Variants in AGTPBP1 observed in about 807,000 individuals in gnomAD.
AGTPBP1 encodes the protein ATP/GTP binding carboxypeptidase 1.
AGTPBP1 carries 70 observed loss-of-function variants against 143.9 expected under a neutral mutation model. The ratio of observed to expected loss-of-function variants is 0.49; its 90% CI spans 0.40 to 0.59. AGTPBP1 has a LOEUF of 0.59. AGTPBP1 is among the 20% of genes least tolerant of loss of function. The pLI, the probability that AGTPBP1 is intolerant of heterozygous loss-of-function variation, is 0.00. For synonymous variants in AGTPBP1, 463 were observed against 500.2 expected, an observed-to-expected ratio of 0.93 and a Z score of 0.99; for missense variants, 1,229 against 1,464.5, an observed-to-expected ratio of 0.84 and a Z score of 2.62.
At chr9:85,630,012 T>G (rs753578051) in intron 14 of AGTPBP1, among the ~76,000 whole-genome samples, 1 of 152,212 alleles carries the variant, frequency 6.6e-6, no homozygotes, top group Non-Finnish European at 1.5e-5. Context: ...TACTTTCAGT[T>G]TGAGGCAATT....
intron 13 of AGTPBP1, among the ~76,000 whole-genome samples, chr9:85,642,299 G>C (rs1832527833): frequency 6.6e-6 from 1 of 151,790 alleles, no homozygotes; most frequent in South Asian, 2.1e-4. Context: ...GATGCAAAAA[G>C]ACTAAAGTGA....
the AGTPBP1 span, chr9:85,786,351 A>C: frequency 6.2e-7 from 1 of 1,613,806 alleles, no homozygotes; most frequent in African/African-American, 1.3e-5. Flanking sequence ...AAACAGAAAC[A>C]GATGATAATC....
intron 25 of AGTPBP1, among the ~76,000 whole-genome samples, chr9:85,563,461 G>A (rs1826874623): frequency 6.6e-6 from 1 of 152,208 alleles, no homozygotes; most frequent in African/African-American, 2.4e-5. Flanking sequence ...TGAAAATGAG[G>A]ATATTTGGCC....
rs148612332 is a variant in AGTPBP1 at position 85,679,660 on chromosome 9, G to A, written c.226-1262C>T. 1.2e-3 allele frequency among the ~76,000 whole-genome samples: 179 copies of A among 152,134 alleles called. 5 individuals carry two copies. The East Asian group carries it at 0.032, about 27-fold the overall frequency. ...CCTGACCTCGTGATCTGCCCATCTC[G>A]GCCTCCCAAAGTGCTGGGATTACAG... is the stretch of plus-strand genomic sequence containing the variant. On this transcript the variant is annotated intron_variant, in intron 4 of 25. Transcript: ENST00000357081.
chr9:85,699,788 C>T (rs753800200), intron 2 of AGTPBP1, among the ~76,000 whole-genome samples: 10 of 152,106 alleles, frequency 6.6e-5, no homozygotes, highest in Non-Finnish European at 1.3e-4. Flanking sequence ...ATACTAAACA[C>T]GTAACTGTTT....
At chr9:85,606,101 G>A (rs1829973269) in intron 17 of AGTPBP1, among the ~76,000 whole-genome samples, 1 of 151,908 alleles carries the variant, frequency 6.6e-6, no homozygotes, top group Non-Finnish European at 1.5e-5. Context: ...ACAATCAACA[G>A]GGTGAAGAAA....
intron 17 of AGTPBP1, among the ~76,000 whole-genome samples, chr9:85,617,781 T>C (rs532067223): frequency 3.3e-5 from 5 of 152,208 alleles, no homozygotes; most frequent in African/African-American, 1.2e-4. Flanking sequence ...GGACCATCAA[T>C]ACAGACCCTG....
intron 25 of AGTPBP1, among the ~76,000 whole-genome samples, chr9:85,555,504 C>A (rs1039957271): frequency 2.6e-5 from 4 of 152,158 alleles, no homozygotes; most frequent in African/African-American, 2.4e-5. Context: ...GAGGCTGAGG[C>A]AGGAGAATCA....
upstream of AGTPBP1, among the ~76,000 whole-genome samples, chr9:85,745,598 G>T (rs1347541767): frequency 6.6e-6 from 1 of 152,206 alleles, no homozygotes; most frequent in Non-Finnish European, 1.5e-5. Flanking sequence ...ATGGAGGGAA[G>T]CAATCTGGGA....
intron 17 of AGTPBP1, among the ~76,000 whole-genome samples, chr9:85,600,818 G>A (rs1189938090): frequency 6.6e-6 from 1 of 152,132 alleles, no homozygotes; most frequent in Non-Finnish European, 1.5e-5. Context: ...CCTGCCCCGA[G>A]GCCCAACAGC....
intron 11 of AGTPBP1, among the ~76,000 whole-genome samples, chr9:85,650,294 T>C (rs992691657): frequency 6.6e-6 from 1 of 152,148 alleles, no homozygotes; most frequent in Non-Finnish European, 1.5e-5. Context: ...GGTTCGTTAA[T>C]ACACAGATTT....
At chr9:85,550,329 G>A (rs1334094274) in intron 25 of AGTPBP1, among the ~76,000 whole-genome samples, 1 of 152,098 alleles carries the variant, frequency 6.6e-6, no homozygotes, top group East Asian at 1.9e-4. Context: ...CATTCAGACT[G>A]CTATTCCAAT....
At chr9:85,549,800 G>A (rs928812579) in intron 25 of AGTPBP1, among the ~76,000 whole-genome samples, 1 of 152,190 alleles carries the variant, frequency 6.6e-6, no homozygotes, top group African/African-American at 2.4e-5. Flanking sequence ...ATCTTCACAA[G>A]AAATGCTTAG....
At chr9:85,776,395 C>T in the AGTPBP1 span, among the ~76,000 whole-genome samples, 13 of 152,182 alleles carry the variant, frequency 8.5e-5, no homozygotes, top group Non-Finnish European at 1.3e-4. Flanking sequence ...CTTTAGCAAG[C>T]ACCTCAGCAC....
At chr9:85,711,061 A>G (rs1837333116) in intron 2 of AGTPBP1, among the ~76,000 whole-genome samples, 1 of 152,236 alleles carries the variant, frequency 6.6e-6, no homozygotes, top group Admixed American at 6.5e-5. Flanking sequence ...TATTCATTAT[A>G]TAACAGATTT....
At chr9:85,744,671 T>C (rs1824561120), upstream of AGTPBP1, among the ~76,000 whole-genome samples, 1 of 152,190 alleles carries the variant, frequency 6.6e-6, no homozygotes, top group Non-Finnish European at 1.5e-5. Context: ...CCTATTTGTG[T>C]AAGGCGCAAA....
At chr9:85,647,052 C>G (rs1832856764) in intron 11 of AGTPBP1, among the ~76,000 whole-genome samples, 1 of 152,136 alleles carries the variant, frequency 6.6e-6, no homozygotes, top group African/African-American at 2.4e-5. Flanking sequence ...CCAAGGCAGG[C>G]AGATCAGCTG....
intron 17 of AGTPBP1, among the ~76,000 whole-genome samples, chr9:85,600,984 T>G (rs1189405671): frequency 6.6e-6 from 1 of 152,120 alleles, no homozygotes; most frequent in Non-Finnish European, 1.5e-5. Context: ...CCACCACCAC[T>G]GCTGATTGCT....
intron 2 of AGTPBP1, among the ~76,000 whole-genome samples, chr9:85,710,364 T>G (rs1837288320): frequency 6.6e-6 from 1 of 152,018 alleles, no homozygotes; most frequent in African/African-American, 2.4e-5. Context: ...TCTAGAGACA[T>G]GAAAGTATAC....
Sources: allele counts gnomAD v4.1 joint callset (sites outside exome capture counted in the v4.1 genomes callset), GRCh38; gene constraint gnomAD v4.1.1; transcripts MANE v1.5; gene names NCBI Gene and HGNC (gene_info 2026-07-23, HGNC 2026-07-21).